The following PSME4 variants were observed in gnomAD, a reference collection of about 807,000 sequenced individuals.
PSME4 encodes proteasome activator subunit 4.
A neutral mutation model predicts 253.9 loss-of-function variants in PSME4; 89 were observed. The observed-to-expected ratio is 0.35, with a 90% CI of 0.30 to 0.42. The LOEUF is 0.42. Among genes scored for constraint, PSME4 ranks in the 10% least tolerant of loss-of-function variants. PSME4 has a pLI of 1.00. For missense variants in PSME4, 2,014 were observed against 2,195.2 expected (o/e 0.92, Z 1.65); for synonymous variants, 851 against 759.2 (o/e 1.12, Z -1.99).
intron 36 of PSME4, among the ~76,000 whole-genome samples, chr2:53,890,680 A>T (rs574105501): frequency 6.6e-6 from 1 of 152,244 alleles, no homozygotes; most frequent in African/African-American, 2.4e-5. Flanking sequence ...TATAGGTGAA[A>T]TTTTTTCCCA....
At chr2:53,956,235 T>G (rs1344853216) in intron 1 of PSME4, among the ~76,000 whole-genome samples, 2 of 152,094 alleles carry the variant, frequency 1.3e-5, no homozygotes, top group African/African-American at 4.8e-5. Flanking sequence ...TTTCACTTTC[T>G]AAAAGTAAAT....
chr2:53,932,863 T>G, intron 8 of PSME4, 103 bp from the exon 9 acceptor site: 1 of 773,730 alleles, frequency 1.3e-6, no homozygotes, highest in Non-Finnish European at 2.1e-6. Context: ...CAGTTTATAG[T>G]CAACTTGCTG....
At chr2:53,886,590 A>G (rs1025359144) in intron 40 of PSME4, among the ~76,000 whole-genome samples, 4 of 152,232 alleles carry the variant, frequency 2.6e-5, no homozygotes, top group African/African-American at 9.6e-5. Flanking sequence ...ACCCTTGTGC[A>G]TTTGCTGACT....
intron 19 of PSME4, among the ~76,000 whole-genome samples, chr2:53,919,564 C>T (rs1456240806): frequency 6.6e-6 from 1 of 152,176 alleles, no homozygotes; most frequent in East Asian, 1.9e-4. Flanking sequence ...AATAATGCTA[C>T]AGAAGATCTT....
At chr2:53,876,716 C>CT (rs10599430) in intron 41 of PSME4, among the ~76,000 whole-genome samples, 6,366 of 97,756 alleles carry the variant, frequency 0.065, 751 homozygotes, top group East Asian at 0.3. Flanking sequence ...CACTGTCATT[C>CT]TTTTTTTTTT....
chr2:53,951,464 C>A (rs1207518714), intron 1 of PSME4, among the ~76,000 whole-genome samples: 1 of 152,200 alleles, frequency 6.6e-6, no homozygotes, highest in Non-Finnish European at 1.5e-5. Flanking sequence ...TTCATTAACT[C>A]ATTTTTATTT....
chr2:53,899,852 T>C (rs1248350526), intron 29 of PSME4, 29 bp downstream of exon 29: 1 of 1,607,408 alleles, frequency 6.2e-7, no homozygotes, highest in Non-Finnish European at 8.5e-7. Flanking sequence ...TATAATGTCA[T>C]CTATTGAAGT....
At chr2:53,898,477 G>T in intron 29 of PSME4, 123 bp from the exon 30 acceptor site, 1 of 692,772 alleles carries the variant, frequency 1.4e-6, no homozygotes, top group Non-Finnish European at 2.3e-6. Context: ...CCACCTGACT[G>T]TAAACGGCCT....
chr2:53,935,137 T>C (rs1441370676), intron 7 of PSME4, among the ~76,000 whole-genome samples: 2 of 152,244 alleles, frequency 1.3e-5, no homozygotes. Flanking sequence ...CCAACCTAAA[T>C]GCAAGTATCT....
At chr2:53,893,624 C>A (rs751298008) in intron 35 of PSME4, 50 bp downstream of exon 35, 4 of 1,589,228 alleles carry the variant, frequency 2.5e-6, no homozygotes, top group Non-Finnish European at 3.4e-6. Flanking sequence ...AACCTACGAA[C>A]TGAATAGTTA....
intron 31 of PSME4, 47 bp from the exon 32 acceptor site, chr2:53,896,932 C>G: frequency 7.3e-7 from 1 of 1,372,262 alleles, no homozygotes; most frequent in Non-Finnish European, 1.0e-6. Flanking sequence ...GTTTAAATCA[C>G]TTAACTGGTT....
intron 42 of PSME4, 142 bp from the exon 43 acceptor site, chr2:53,874,636 G>T: frequency 2.3e-6 from 2 of 881,578 alleles, no homozygotes; most frequent in Non-Finnish European, 3.4e-6. Context: ...CTCATATTTC[G>T]TTATAAATAA....
rs115532013 is a variant in PSME4 at position 53,913,347 on chromosome 2, A to T, written c.2517-3217T>A. On this transcript the variant is annotated intron_variant, in intron 20 of 46. Coordinates refer to ENST00000404125, the MANE Select transcript of PSME4 (RefSeq NM_014614.3). ...TGATTAGAGCAGGACTATGAAAAGA[A>T]TCACTGGTAGGAAAGAAGGGATGCT... is the stretch of plus-strand genomic sequence containing the variant. Among the ~76,000 whole-genome samples the T allele has an allele frequency of 7.9e-3, 1,205 of 152,334 alleles. 19 individuals are homozygous for T. The highest frequency in any genetic ancestry group is 0.027 in the African/African-American group (1,129 of 41,578).
Position 53,885,674 on chromosome 2 carries a change from T to G in PSME4, c.4815+16A>C. On this transcript the variant is annotated intron_variant, in intron 41 of 46. Transcript: ENST00000404125. ...GGTCAAAAGGAGATGCATTCTTAATTTCAGCAAAACCTTACCTTGAAAAAC... is the reference window on the plus strand; with the variant it reads ...GGTCAAAAGGAGATGCATTCTTAATGTCAGCAAAACCTTACCTTGAAAAAC... The G allele has an allele frequency of 1.3e-6, 2 of 1,585,542 alleles. No homozygotes were observed. The highest frequency in any genetic ancestry group is 1.7e-6 in the Non-Finnish European group (2 of 1,155,184).
chr2:53,952,177 T>G (rs1210412929), intron 1 of PSME4, among the ~76,000 whole-genome samples: 1 of 152,172 alleles, frequency 6.6e-6, no homozygotes, highest in East Asian at 1.9e-4. Flanking sequence ...GGCTCATGCC[T>G]GTAATCCCAG....
intron 8 of PSME4, chr2:53,933,078 C>G (rs1384615738): frequency 4.7e-6 from 1 of 211,526 alleles, no homozygotes; most frequent in Non-Finnish European, 9.5e-6. Context: ...AAATTTATCA[C>G]TAAGATTATC....
chr2:53,908,945 A>G, intron 21 of PSME4, 105 bp from the exon 22 acceptor site: 1 of 799,856 alleles, frequency 1.3e-6, no homozygotes, highest in South Asian at 1.9e-5. Context: ...GTATTGGAGA[A>G]AAAAATAGGT....
chr2:53,940,998 T>A (rs11674888), intron 3 of PSME4, among the ~76,000 whole-genome samples: 1 of 85,908 alleles, frequency 1.2e-5, no homozygotes, highest in Non-Finnish European at 2.5e-5. Context: ...TATATATATA[T>A]ATGAAAGGAG....
At chr2:53,913,889 T>C (rs890280035) in intron 20 of PSME4, among the ~76,000 whole-genome samples, 3 of 152,226 alleles carry the variant, frequency 2.0e-5, no homozygotes, top group Non-Finnish European at 4.4e-5. Context: ...AGTAACTGTT[T>C]CCTTTTCTGT....
Sources: allele counts gnomAD v4.1 joint callset (sites outside exome capture counted in the v4.1 genomes callset), GRCh38; gene constraint gnomAD v4.1.1; transcripts MANE v1.5; gene names NCBI Gene and HGNC (gene_info 2026-07-23, HGNC 2026-07-21).